The following SYN3 variants were observed in gnomAD, a reference collection of about 807,000 sequenced individuals.
The protein encoded by SYN3 is synapsin-3.
SYN3 carries 35 observed loss-of-function variants against 65.8 expected under a neutral mutation model. The ratio of observed to expected loss-of-function variants is 0.53; its 90% CI spans 0.41 to 0.70. The LOEUF (loss-of-function observed/expected upper bound fraction) is 0.70. Among genes scored for constraint, SYN3 ranks in the 30% least tolerant of loss-of-function variants. The pLI, the probability that SYN3 is intolerant of heterozygous loss-of-function variation, is 0.00. For missense variants in SYN3, 680 were observed against 749.0 expected, an observed-to-expected ratio of 0.91 and a Z score of 1.08; for synonymous variants, 270 against 292.9, an observed-to-expected ratio of 0.92 and a Z score of 0.80.
At chr22:32,940,069 T>C (rs576283052) in intron 3 of SYN3, among the ~76,000 whole-genome samples, 4 of 152,326 alleles carry the variant, frequency 2.6e-5, no homozygotes, top group Admixed American at 2.6e-4. Flanking sequence ...GTAGTAATAG[T>C]ACATTGTAGT....
At chr22:32,582,854 G>A (rs2146503332) in intron 7 of SYN3, among the ~76,000 whole-genome samples, 1 of 152,280 alleles carries the variant, frequency 6.6e-6, no homozygotes, top group Admixed American at 6.5e-5. Flanking sequence ...CTGTTAGAGT[G>A]GCCAGGGGCC....
intron 6 of SYN3, among the ~76,000 whole-genome samples, chr22:32,733,157 C>A (rs1011827439): frequency 6.6e-6 from 1 of 152,140 alleles, no homozygotes; most frequent in Non-Finnish European, 1.5e-5. Flanking sequence ...GAAGAGGCTC[C>A]CAGATTTTCA....
At chr22:32,978,033 G>A (rs2052259198) in intron 3 of SYN3, among the ~76,000 whole-genome samples, 1 of 152,196 alleles carries the variant, frequency 6.6e-6, no homozygotes, top group Admixed American at 6.5e-5. Flanking sequence ...GAAAGACTCA[G>A]AGAAGGAGTC....
intron 6 of SYN3, among the ~76,000 whole-genome samples, chr22:32,607,906 G>A (rs989509847): frequency 3.3e-5 from 5 of 152,258 alleles, no homozygotes; most frequent in East Asian, 1.9e-4. Context: ...CCTAAATGAC[G>A]GGGAAGCGAA....
At chr22:32,693,840 C>T (rs2060700539) in intron 6 of SYN3, among the ~76,000 whole-genome samples, 1 of 151,844 alleles carries the variant, frequency 6.6e-6, no homozygotes, top group African/African-American at 2.4e-5. Context: ...AATCCAGCCT[C>T]CCAAAGTGCT....
At chr22:32,995,475 T>A (rs1415768168) in intron 2 of SYN3, among the ~76,000 whole-genome samples, 1 of 152,184 alleles carries the variant, frequency 6.6e-6, no homozygotes, top group Non-Finnish European at 1.5e-5. Flanking sequence ...TTGCTAAATC[T>A]GACAACCCTA....
chr22:32,907,478 AATGCCTACTAT>A (rs2049932664), intron 4 of SYN3, among the ~76,000 whole-genome samples: 1 of 152,188 alleles, frequency 6.6e-6, no homozygotes, highest in Non-Finnish European at 1.5e-5. Flanking sequence ...ACATTCAGCA[AATGCCTACTAT>A]GTGCCAGGAA....
At chr22:32,538,224 T>C (rs2058197119) in intron 8 of SYN3, 114 bp from the exon 9 acceptor site, 11 of 864,666 alleles carry the variant, frequency 1.3e-5, no homozygotes, top group South Asian at 9.6e-5. Context: ...GCTCACGTAA[T>C]GGCATGTATT....
intron 9 of SYN3, among the ~76,000 whole-genome samples, chr22:32,536,742 G>C (rs1014943778): frequency 6.6e-6 from 1 of 152,192 alleles, no homozygotes; most frequent in African/African-American, 2.4e-5. Context: ...GAGCCACTGT[G>C]TGCCACCATG....
chr22:32,754,846 G>T (rs2045246496), intron 6 of SYN3, among the ~76,000 whole-genome samples: 1 of 152,196 alleles, frequency 6.6e-6, no homozygotes, highest in African/African-American at 2.4e-5. Flanking sequence ...CTGGTGGGTG[G>T]AGCCTTGTTC....
intron 6 of SYN3, among the ~76,000 whole-genome samples, chr22:32,719,378 G>A (rs1234897382): frequency 1.3e-5 from 2 of 152,176 alleles, no homozygotes; most frequent in Admixed American, 6.5e-5. Flanking sequence ...GAATACTGGT[G>A]AAACTGTGAT....
chr22:32,831,671 G>C (rs1262713895), intron 6 of SYN3, among the ~76,000 whole-genome samples: 1 of 152,208 alleles, frequency 6.6e-6, no homozygotes, highest in Non-Finnish European at 1.5e-5. Context: ...CACAGAGCCA[G>C]AGCAAAAGAC....
chr22:32,587,690 A>G (rs1386173590), intron 7 of SYN3, among the ~76,000 whole-genome samples: 3 of 152,148 alleles, frequency 2.0e-5, no homozygotes, highest in Non-Finnish European at 4.4e-5. Flanking sequence ...AGTCCAGGTC[A>G]CTTGGAGCTG....
At chr22:32,518,381 G>T in intron 12 of SYN3, 47 bp from the exon 13 acceptor site, 2 of 1,601,180 alleles carry the variant, frequency 1.2e-6, no homozygotes, top group South Asian at 1.1e-5. Context: ...TTTTTCTTAG[G>T]ATAGATATGG....
In SYN3 at chr22:32,981,241, C is replaced by G. The variant is rs79025574; in HGVS notation, c.312-539G>C. Among the ~76,000 whole-genome samples, 1,236 of 151,898 alleles carry G rather than the reference C, an allele frequency of 8.1e-3. 21 individuals carry two copies. The highest frequency in any genetic ancestry group is 0.028 in the African/African-American group (1,168 of 41,430). ...CTCAAGTTCTAGTTCTGTCACGTCA[C>G]TTGACCTCTCTGCATCTCAGTTTTA... is the stretch of plus-strand genomic sequence containing the variant. On this transcript the variant is annotated intron_variant, in intron 2 of 13. Transcript: ENST00000358763.
At chr22:32,650,484 T>C (rs1361620323) in intron 6 of SYN3, among the ~76,000 whole-genome samples, 1 of 152,050 alleles carries the variant, frequency 6.6e-6, no homozygotes, top group Admixed American at 6.6e-5. Context: ...CCGGCTGGTC[T>C]CAAACTCCTG....
At chr22:32,651,063 G>T (rs1569125619) in intron 6 of SYN3, among the ~76,000 whole-genome samples, 1 of 152,156 alleles carries the variant, frequency 6.6e-6, no homozygotes, top group Non-Finnish European at 1.5e-5. Context: ...AGAAATTGGA[G>T]ATCTTGGCCA....
intron 7 of SYN3, among the ~76,000 whole-genome samples, chr22:32,589,304 CATTGGTTAAT>C (rs1428395483): frequency 1.3e-5 from 2 of 152,192 alleles, no homozygotes; most frequent in Non-Finnish European, 2.9e-5. Context: ...CTGCTCATAA[CATTGGTTAAT>C]ACCACAGAAT....
chr22:32,612,337 G>A (rs2858228), intron 6 of SYN3, among the ~76,000 whole-genome samples: 29,865 of 152,140 alleles, frequency 0.2, 3,173 homozygotes, highest in African/African-American at 0.21. Flanking sequence ...TCTGAAGTGG[G>A]GGACAGTCTT....
Sources: gnomAD v4.1 joint callset for allele counts (sites outside exome capture counted in the v4.1 genomes callset) on GRCh38, gnomAD v4.1.1 for gene constraint, MANE v1.5 for transcripts, NCBI Gene and HGNC (gene_info 2026-07-23, HGNC 2026-07-21) for gene names.